Variants in LIPA observed in about 807,000 individuals in gnomAD.
LIPA encodes lipase A, lysosomal acid type.
Under a neutral mutation model 40.6 loss-of-function variants are expected in LIPA, and 26 were observed. The observed-to-expected ratio is 0.64, with a 90% confidence interval of 0.47 to 0.89. LIPA has a LOEUF of 0.89. Among genes scored for constraint, LIPA ranks in the 40% least tolerant of loss-of-function variants. LIPA has a pLI of 0.00. For synonymous variants in LIPA, 188 were observed against 168.4 expected (o/e 1.12, Z -0.90); for missense variants, 455 against 479.6 (o/e 0.95, Z 0.48).
chr10:89,223,330 T>C (rs1564752491), intron 7 of LIPA, among the ~76,000 whole-genome samples: 2 of 152,120 alleles, frequency 1.3e-5, no homozygotes, highest in African/African-American at 4.8e-5. Context: ...CCCTCCTTCC[T>C]TTTGGAGTCC....
At chr10:89,296,866 C>A (rs770420179) in intron 1 of LIPA, among the ~76,000 whole-genome samples, 5 of 152,116 alleles carry the variant, frequency 3.3e-5, no homozygotes, top group Admixed American at 2.0e-4. Context: ...AAATACATTT[C>A]TTCTATCATT....
intron 1 of LIPA, among the ~76,000 whole-genome samples, chr10:89,269,458 A>ATT (rs750712900): frequency 1.3e-5 from 2 of 150,008 alleles, no homozygotes; most frequent in African/African-American, 4.9e-5. Context: ...ATCTTTAAGG[A>ATT]TTTTTTTTTT....
At chr10:89,388,175 A>G (rs1259148942) in intron 2 of LIPA, among the ~76,000 whole-genome samples, 2 of 151,986 alleles carry the variant, frequency 1.3e-5, no homozygotes, top group African/African-American at 4.8e-5. Context: ...GCATGATCTC[A>G]GCTCACTGCA....
At chr10:89,396,693 A>T (rs903866859) in intron 2 of LIPA, among the ~76,000 whole-genome samples, 2 of 152,256 alleles carry the variant, frequency 1.3e-5, no homozygotes, top group African/African-American at 4.8e-5. Context: ...GGTGGGGACA[A>T]TCAAACTGTA....
In LIPA at chr10:89,267,936, CA is replaced by C. The variant is rs1843246559; in HGVS notation, c.-1-20288del. 2.6e-5 allele frequency among the ~76,000 whole-genome samples: 4 copies of C among 152,020 alleles called. No homozygotes were observed. In the South Asian group the frequency reaches 8.3e-4, roughly 32 times the overall value. On this transcript the variant is annotated intron_variant, in intron 1 of 5. Coordinates refer to the LIPA transcript ENST00000282673. ...GTGGAGAATAATGGAAAGTGGAACT[CA>C]GGGGAGTTAAGGAATGGGGAATAAG...
At chr10:89,377,068 G>A (rs1332921321) in intron 2 of LIPA, among the ~76,000 whole-genome samples, 1 of 152,176 alleles carries the variant, frequency 6.6e-6, no homozygotes, top group Non-Finnish European at 1.5e-5. Context: ...AAACGTACAG[G>A]ATGACATTGT....
At chr10:89,256,441 A>G (rs1227472283), upstream of LIPA, among the ~76,000 whole-genome samples, 1 of 152,230 alleles carries the variant, frequency 6.6e-6, no homozygotes, top group African/African-American at 2.4e-5. Context: ...TGAGAAGACA[A>G]TGAGGTTGGA....
intron 8 of LIPA, 55 bp from the exon 9 acceptor site, chr10:89,216,064 A>C: frequency 8.5e-7 from 1 of 1,180,514 alleles, no homozygotes; most frequent in Non-Finnish European, 1.3e-6. Context: ...TAGAGATAAC[A>C]TCATAGGTTG....
chr10:89,343,554 G>A (rs561813799), upstream of LIPA, among the ~76,000 whole-genome samples: 3 of 152,210 alleles, frequency 2.0e-5, no homozygotes, highest in Non-Finnish European at 4.4e-5. Context: ...GCAGGAGAAG[G>A]TCAAAGAGAT....
Position 89,213,932 on chromosome 10 carries a change from A to G in LIPA, c.*896T>C, listed in dbSNP as rs1842584529. On this transcript the variant is annotated 3_prime_UTR_variant, in exon 10 of 10. Coordinates refer to ENST00000336233, the MANE Select transcript of LIPA (RefSeq NM_000235.4). ...GTGAAAATGAACAAGGACACTTCTC[A>G]TGGGCAACCACGGGGCTTTGGCTTC... The G allele has an allele frequency of 6.6e-6, 1 of 152,170 alleles. No homozygotes were observed. The highest frequency in any genetic ancestry group is 6.5e-5 in the Admixed American group (1 of 15,276). 9.4% of individuals were successfully genotyped at this position (152,170 alleles called of 1,614,324 possible).
chr10:89,248,068 T>C (rs1843055589), intron 1 of LIPA, among the ~76,000 whole-genome samples: 2 of 151,886 alleles, frequency 1.3e-5, no homozygotes, highest in South Asian at 2.1e-4. Flanking sequence ...GCTTTCACCA[T>C]ATTGGCTAGG....
chr10:89,290,173 T>A (rs1441906229), intron 1 of LIPA, among the ~76,000 whole-genome samples: 2 of 152,190 alleles, frequency 1.3e-5, no homozygotes, highest in African/African-American at 4.8e-5. Flanking sequence ...TCTAATTAGA[T>A]GTCCTGGGTC....
At chr10:89,394,606 ATATATATATATATATATATAT>A (rs1844311965) in intron 2 of LIPA, among the ~76,000 whole-genome samples, 2 of 35,202 alleles carry the variant, frequency 5.7e-5, no homozygotes, top group Non-Finnish European at 9.4e-5. Flanking sequence ...ATATATATAT[ATATATATATATATATATATAT>A]AAAACTTGAA....
rs556338087 is a variant in LIPA, at chr10:89,311,554, C to A, written c.-2+31057G>T. Among the ~76,000 whole-genome samples, 500 of 144,536 alleles carry A rather than the reference C, an allele frequency of 3.5e-3. 7 individuals carry two copies. Among genetic ancestry groups the A allele is most frequent in the Non-Finnish European group, 3.7e-3 (245 of 66,322 alleles). 94.8% of individuals were successfully genotyped at this position (144,536 alleles called of 152,430 possible). A position where few individuals can be genotyped will look rare whatever the true frequency, so the allele number is the denominator to read the frequency against. On this transcript the variant is annotated intron_variant, in intron 1 of 5. Coordinates refer to the LIPA transcript ENST00000282673. ...AAAAAAAAAAAAAAAAACCCTCAAA[C>A]CTACTTGTACGTTTTTTGCATTTAG... is the stretch of plus-strand genomic sequence containing the variant.
At chr10:89,413,281 C>G (rs1019632795) in intron 1 of LIPA, among the ~76,000 whole-genome samples, 24 of 152,056 alleles carry the variant, frequency 1.6e-4, no homozygotes, top group African/African-American at 5.3e-4. Context: ...AATTAAAAAT[C>G]AGGTTCTTAA....
intron 1 of LIPA, among the ~76,000 whole-genome samples, chr10:89,248,280 G>A (rs1270088764): frequency 2.0e-5 from 3 of 150,860 alleles, no homozygotes; most frequent in Non-Finnish European, 4.4e-5. Flanking sequence ...TCCTGCCTCA[G>A]CCTCCAGAGT....
intron 1 of LIPA, among the ~76,000 whole-genome samples, chr10:89,289,276 T>C (rs1843358694): frequency 6.6e-6 from 1 of 152,236 alleles, no homozygotes; most frequent in Admixed American, 6.5e-5. Context: ...TACAAGCCAC[T>C]AGCCCACCTC....
intron 1 of LIPA, chr10:89,302,168 C>A: frequency 1.2e-6 from 2 of 1,609,556 alleles, no homozygotes; most frequent in South Asian, 1.1e-5. Flanking sequence ...GCTGTTGAGT[C>A]ATCTTGTCCA....
At chr10:89,336,042 G>C (rs1392031089) in intron 1 of LIPA, among the ~76,000 whole-genome samples, 1 of 151,952 alleles carries the variant, frequency 6.6e-6, no homozygotes, top group Non-Finnish European at 1.5e-5. Flanking sequence ...TTGGTATGTC[G>C]AGGCAGAAGG....
Sources: allele counts gnomAD v4.1 joint callset (sites outside exome capture counted in the v4.1 genomes callset), GRCh38; gene constraint gnomAD v4.1.1; transcripts MANE v1.5; gene names NCBI Gene and HGNC (gene_info 2026-07-23, HGNC 2026-07-21).